Variants in HPSE2 observed in about 807,000 individuals in gnomAD.
HPSE2 encodes the protein heparanase 2 (inactive), also known as inactive heparanase-2.
In HPSE2, 38 loss-of-function variants were observed where a neutral mutation model predicts 60.5. That is an observed-to-expected ratio of 0.63 (90% CI 0.48 to 0.82). The LOEUF (loss-of-function observed/expected upper bound fraction) is 0.82, where lower values mean the gene tolerates loss of function less well. Among genes scored for constraint, HPSE2 ranks in the 40% least tolerant of loss-of-function variants. HPSE2 has a pLI of 0.00. For synonymous variants in HPSE2, 295 were observed against 293.2 expected (o/e 1.01, Z -0.06); for missense variants, 713 against 740.4 (o/e 0.96, Z 0.43).
At chr10:98,753,392 C>A (rs190059467) in intron 3 of HPSE2, among the ~76,000 whole-genome samples, 1 of 152,032 alleles carries the variant, frequency 6.6e-6, no homozygotes, top group East Asian at 1.9e-4. Flanking sequence ...CAATTTCACT[C>A]CTAGGTATAT....
intron 3 of HPSE2, among the ~76,000 whole-genome samples, chr10:99,132,823 A>T (rs375319062): frequency 7.9e-5 from 12 of 152,290 alleles, no homozygotes; most frequent in African/African-American, 2.6e-4. Flanking sequence ...TGGGCAGATA[A>T]CGAATTAGGT....
intron 3 of HPSE2, among the ~76,000 whole-genome samples, chr10:98,920,845 C>T (rs1198628157): frequency 6.6e-6 from 1 of 152,176 alleles, no homozygotes; most frequent in East Asian, 1.9e-4. Context: ...GCAATTCAGG[C>T]AGACAACATA....
At chr10:98,603,663 C>T (rs930671490) in intron 9 of HPSE2, among the ~76,000 whole-genome samples, 3 of 151,958 alleles carry the variant, frequency 2.0e-5, no homozygotes, top group African/African-American at 4.8e-5. Context: ...CTCCTGACCT[C>T]GTGATCTGCC....
At chr10:98,828,899 T>C (rs977857463) in intron 3 of HPSE2, among the ~76,000 whole-genome samples, 2 of 152,196 alleles carry the variant, frequency 1.3e-5, no homozygotes, top group Non-Finnish European at 2.9e-5. Context: ...CAGGTATTTG[T>C]ACACTCATTT....
intron 2 of HPSE2, among the ~76,000 whole-genome samples, chr10:99,185,328 C>T (rs1847963023): frequency 6.6e-6 from 1 of 151,188 alleles, no homozygotes; most frequent in Non-Finnish European, 1.5e-5. Context: ...ATAACACAAA[C>T]TTCTAAACTA....
intron 7 of HPSE2, among the ~76,000 whole-genome samples, chr10:98,631,454 C>A (rs1405226220): frequency 6.6e-6 from 1 of 152,194 alleles, no homozygotes; most frequent in Non-Finnish European, 1.5e-5. Context: ...TACTCTTCGT[C>A]TCTTTCCCAG....
At chr10:98,460,979 C>A (rs1940263039) in intron 11 of HPSE2, among the ~76,000 whole-genome samples, 1 of 152,236 alleles carries the variant, frequency 6.6e-6, no homozygotes, top group Non-Finnish European at 1.5e-5. Context: ...TTGTGAGTCA[C>A]CCTCAGAAAA....
At chr10:98,869,179 T>C (rs529045885) in intron 3 of HPSE2, among the ~76,000 whole-genome samples, 1 of 152,320 alleles carries the variant, frequency 6.6e-6, no homozygotes, top group Non-Finnish European at 1.5e-5. Flanking sequence ...GGTCAGTTTT[T>C]AAGAAAGTAT....
rs1201346770 is a variant in HPSE2, at chr10:98,699,969, A to G, written c.957-6022T>C. Reference sequence around the variant, plus strand: ...AGGACCTCTTCAAGGAGAACTACAAACCACTGCTCAGTGAAATAAAAGAGG... The same window carrying G: ...AGGACCTCTTCAAGGAGAACTACAAGCCACTGCTCAGTGAAATAAAAGAGG... On this transcript the variant is annotated intron_variant, in intron 5 of 11. Transcript: ENST00000370552. Among the ~76,000 whole-genome samples the G allele has an allele frequency of 4.0e-4, 59 of 147,812 alleles. No individual in the cohort carries two copies. The East Asian group carries it at 0.011, about 27-fold the overall frequency.
intron 3 of HPSE2, among the ~76,000 whole-genome samples, chr10:98,998,476 G>A (rs1326045565): frequency 6.6e-6 from 1 of 152,182 alleles, no homozygotes; most frequent in Non-Finnish European, 1.5e-5. Context: ...ATCTGCCTAA[G>A]AAGGCTTCTT....
chr10:98,841,940 G>A, intron 3 of HPSE2, among the ~76,000 whole-genome samples: 1 of 152,004 alleles, frequency 6.6e-6, no homozygotes. Context: ...CAGAGTAGCT[G>A]GGACTACAGG....
chr10:98,874,172 G>GTTT (rs59429630), intron 3 of HPSE2, among the ~76,000 whole-genome samples: 8 of 144,722 alleles, frequency 5.5e-5, no homozygotes, highest in African/African-American at 2.0e-4. Context: ...TCACTCTGAT[G>GTTT]TTTTTTTTTT....
intron 3 of HPSE2, among the ~76,000 whole-genome samples, chr10:98,791,108 ACTAT>A (rs532111816): frequency 5.0e-4 from 76 of 152,304 alleles, no homozygotes; most frequent in Middle Eastern, 3.4e-3. Flanking sequence ...GAACAAAGAG[ACTAT>A]CTTATGTTTC....
At position 98,518,084 on chromosome 10, in the gene HPSE2, A is replaced by G. The variant is rs565503937; in HGVS notation, c.1321-27888T>C. 5.3e-5 allele frequency among the ~76,000 whole-genome samples: 8 copies of G among 152,330 alleles called. 1 individual carries two copies. In the South Asian group the frequency reaches 1.5e-3, roughly 28 times the overall value. ...GAGGTAACACTGGGTGAGAAGAAGTAATACTGGGATAATCAGGGAAGGCTT... is the reference window on the plus strand; with the variant it reads ...GAGGTAACACTGGGTGAGAAGAAGTGATACTGGGATAATCAGGGAAGGCTT... On this transcript the variant is annotated intron_variant, in intron 9 of 11. Transcript: ENST00000370552.
chr10:98,766,135 T>C (rs1310304630), intron 3 of HPSE2, among the ~76,000 whole-genome samples: 3 of 151,946 alleles, frequency 2.0e-5, no homozygotes, highest in Non-Finnish European at 4.4e-5. Context: ...GAAAATAAAA[T>C]ATTATGAACT....
intron 3 of HPSE2, among the ~76,000 whole-genome samples, chr10:99,075,268 T>C (rs995317555): frequency 6.6e-6 from 1 of 152,182 alleles, no homozygotes; most frequent in African/African-American, 2.4e-5. Flanking sequence ...ATTTCCCTTA[T>C]GATTTCTTCT....
intron 2 of HPSE2, among the ~76,000 whole-genome samples, chr10:99,173,238 A>G (rs1199784852): frequency 6.6e-6 from 1 of 152,176 alleles, no homozygotes; most frequent in African/African-American, 2.4e-5. Context: ...CCGTCATAGT[A>G]TACTGCTATG....
intron 5 of HPSE2, 132 bp downstream of exon 5, chr10:98,721,525 T>G (rs969184347): frequency 7.1e-6 from 6 of 840,660 alleles, no homozygotes; most frequent in Non-Finnish European, 1.1e-5. Flanking sequence ...GTGAAGCCAC[T>G]ATGGAAAGAG....
chr10:98,543,460 TC>T (rs1301676654), intron 9 of HPSE2, among the ~76,000 whole-genome samples: 1 of 151,442 alleles, frequency 6.6e-6, no homozygotes, highest in East Asian at 1.9e-4. Context: ...AATGACAGGA[TC>T]AAATTCACAC....
Sources: gnomAD v4.1 joint callset for allele counts (sites outside exome capture counted in the v4.1 genomes callset) on GRCh38, gnomAD v4.1.1 for gene constraint, MANE v1.5 for transcripts, NCBI Gene and HGNC (gene_info 2026-07-23, HGNC 2026-07-21) for gene names.